Variants in PLPPR5 observed in about 807,000 individuals in gnomAD.
The protein encoded by PLPPR5 is phospholipid phosphatase-related protein type 5.
PLPPR5 carries 16 observed loss-of-function variants against 33.9 expected under a neutral mutation model. The observed-to-expected ratio is 0.47, with a 90% CI of 0.32 to 0.72. The LOEUF (loss-of-function observed/expected upper bound fraction) is 0.72. Among genes scored for constraint, PLPPR5 ranks in the 30% least tolerant of loss-of-function variants. The pLI is 0.03. For missense variants in PLPPR5, 301 were observed against 406.7 expected (o/e 0.74, Z 2.23); for synonymous variants, 163 against 150.3 (o/e 1.08, Z -0.62).
chr1:99,003,190 A>C (rs964288056), intron 1 of PLPPR5, among the ~76,000 whole-genome samples: 10 of 150,410 alleles, frequency 6.6e-5, no homozygotes, highest in African/African-American at 2.4e-4. Context: ...TGATAAAGTT[A>C]CTTTAAGGTT....
rs79461398 is a variant in PLPPR5, at chr1:98,964,683, G to A, written c.238-7942C>T. Among the ~76,000 whole-genome samples the A allele has an allele frequency of 2.7e-3, 417 of 152,250 alleles. 2 individuals are homozygous for A. Among genetic ancestry groups the A allele is most frequent in the African/African-American group, 9.6e-3 (398 of 41,548 alleles). ...CACCTGTCTGTTCCCAGTTGTACAG[G>A]AAGCCCTCAAACAACCTCCAAGGAA... is the stretch of plus-strand genomic sequence containing the variant. On this transcript the variant is annotated intron_variant, in intron 1 of 5. Coordinates refer to ENST00000263177, the MANE Select transcript of PLPPR5 (RefSeq NM_001037317.2).
intron 1 of PLPPR5, among the ~76,000 whole-genome samples, chr1:99,003,884 G>T (rs1570772333): frequency 6.6e-6 from 1 of 152,154 alleles, no homozygotes; most frequent in African/African-American, 2.4e-5. Context: ...TCTTTTTTCA[G>T]ATATTTGTTC....
intron 4 of PLPPR5, among the ~76,000 whole-genome samples, chr1:98,915,408 A>G (rs1570694059): frequency 4.6e-5 from 7 of 152,174 alleles, no homozygotes; most frequent in Admixed American, 2.0e-4. Flanking sequence ...AACCTAGCTT[A>G]TCGTCTATTA....
chr1:98,916,104 T>C (rs916998944), intron 4 of PLPPR5, among the ~76,000 whole-genome samples: 1 of 152,204 alleles, frequency 6.6e-6, no homozygotes, highest in Admixed American at 6.5e-5. Flanking sequence ...ATAGAGTTCA[T>C]TACTGAATAT....
At chr1:98,931,140 G>A (rs12757982) in intron 3 of PLPPR5, among the ~76,000 whole-genome samples, 16,037 of 152,112 alleles carry the variant, frequency 0.11, 1,105 homozygotes, top group South Asian at 0.22. Flanking sequence ...TTGCTACCCA[G>A]TATTCTGTTC....
intron 1 of PLPPR5, among the ~76,000 whole-genome samples, chr1:98,979,134 T>C (rs1261313427): frequency 2.0e-5 from 3 of 152,044 alleles, no homozygotes; most frequent in Non-Finnish European, 4.4e-5. Context: ...CTGGAGTGAA[T>C]TTTTGAAAGT....
rs960151462 is a variant in PLPPR5, at chr1:98,890,844, G to C, written c.*2228C>G. The C allele has an allele frequency of 2.0e-5, 3 of 152,464 alleles. No homozygotes were observed. The highest frequency in any genetic ancestry group is 2.9e-5 in the Non-Finnish European group (2 of 68,008). 9.4% of individuals were successfully genotyped at this position (152,464 alleles called of 1,614,324 possible). A position where few individuals can be genotyped will look rare whatever the true frequency, so the allele number is the denominator to read the frequency against. On this transcript the variant is annotated 3_prime_UTR_variant, in exon 6 of 6. Coordinates refer to ENST00000263177, the MANE Select transcript of PLPPR5 (RefSeq NM_001037317.2). ...AAATAGTAGAGGTGACTTTACTCTGGTTCTGGGTTAAATCTGAGTTTTTGA... is the reference window on the plus strand; with the variant it reads ...AAATAGTAGAGGTGACTTTACTCTGCTTCTGGGTTAAATCTGAGTTTTTGA...
chr1:99,005,314 C>G (rs527426504), upstream of PLPPR5, among the ~76,000 whole-genome samples: 1 of 152,252 alleles, frequency 6.6e-6, no homozygotes, highest in East Asian at 1.9e-4. Flanking sequence ...GCGCAAAGTG[C>G]CGATGCGGCG....
At chr1:98,928,565 A>ATATATATATATATC (rs1649848513) in intron 3 of PLPPR5, among the ~76,000 whole-genome samples, 1 of 140,966 alleles carries the variant, frequency 7.1e-6, no homozygotes, top group Non-Finnish European at 1.6e-5. Context: ...ATATATATAT[A>ATATATATATATATC]TATATATGGT....
intron 4 of PLPPR5, among the ~76,000 whole-genome samples, chr1:98,916,826 T>C (rs1649371034): frequency 6.6e-6 from 1 of 152,206 alleles, no homozygotes; most frequent in African/African-American, 2.4e-5. Context: ...ATTTAATAAG[T>C]CTTGTCTGCT....
At chr1:98,939,299 G>T (rs1280957595) in intron 3 of PLPPR5, among the ~76,000 whole-genome samples, 1 of 148,370 alleles carries the variant, frequency 6.7e-6, no homozygotes, top group African/African-American at 2.4e-5. Flanking sequence ...TAGAGGAAGG[G>T]ATGCTAAAAG....
intron 1 of PLPPR5, among the ~76,000 whole-genome samples, chr1:98,959,766 T>C (rs961549731): frequency 5.9e-5 from 9 of 152,160 alleles, no homozygotes; most frequent in Non-Finnish European, 1.3e-4. Context: ...GAGGTTTAGG[T>C]TGAGATAAGG....
intron 1 of PLPPR5, among the ~76,000 whole-genome samples, chr1:98,994,608 T>C (rs982837387): frequency 3.3e-5 from 5 of 152,112 alleles, no homozygotes; most frequent in Non-Finnish European, 5.9e-5. Context: ...ATCTGTCTGA[T>C]ATGTATGTAC....
chr1:98,918,504 A>ATGGT (rs1313768063), intron 4 of PLPPR5, among the ~76,000 whole-genome samples: 1 of 152,188 alleles, frequency 6.6e-6, no homozygotes, highest in Non-Finnish European at 1.5e-5. Flanking sequence ...GTATTTTGCT[A>ATGGT]AGTATGGTGA....
rs774900471 is a variant in PLPPR5 at position 98,893,090 on chromosome 1, G to A, written c.948C>T (p.Ala316=). Reference sequence around the variant, plus strand: ...TTCGATATCATGTGACTTCTGCGAAGGCAGTGATGTGGTTCTGCAAAAAGA... The same window carrying A: ...TTCGATATCATGTGACTTCTGCGAAAGCAGTGATGTGGTTCTGCAAAAAGA... ...KVTSVQNHIT[A]FAEVT Residue 316 remains alanine (A), a synonymous_variant, in exon 6 of 6, where the codon GCC becomes GCT. Coordinates refer to ENST00000263177, the MANE Select transcript of PLPPR5 (RefSeq NM_001037317.2). The A allele has an allele frequency of 1.2e-6, 2 of 1,611,204 alleles. No individual in the cohort carries two copies. The highest frequency in any genetic ancestry group is 2.7e-5 in the African/African-American group (2 of 74,862).
At chr1:98,949,865 T>C (rs1285130518) in intron 3 of PLPPR5, among the ~76,000 whole-genome samples, 1 of 152,110 alleles carries the variant, frequency 6.6e-6, no homozygotes, top group Non-Finnish European at 1.5e-5. Context: ...GAACAGAATC[T>C]ATTGTTAAAA....
chr1:98,952,963 T>A, intron 3 of PLPPR5, 107 bp downstream of exon 3: 1 of 1,333,018 alleles, frequency 7.5e-7, no homozygotes. Context: ...CAGAAAGATA[T>A]GAATGTGCTT....
intron 4 of PLPPR5, among the ~76,000 whole-genome samples, chr1:98,915,800 C>G (rs1365191254): frequency 2.6e-5 from 4 of 152,056 alleles, no homozygotes; most frequent in Non-Finnish European, 5.9e-5. Flanking sequence ...TAGGAGTTGG[C>G]ACTTCAAAAA....
rs1178504170 is a variant in PLPPR5, at chr1:98,919,739, T to C, written c.798+2143A>G. ...ATCTCTTCTATCCTCAACTTTGTCT[T>C]ATTGTCCTGCAAATACATTTTCAAA... is the stretch of plus-strand genomic sequence containing the variant. On this transcript the variant is annotated intron_variant, in intron 4 of 5. Transcript: ENST00000263177. Among the ~76,000 whole-genome samples, 3 of 152,288 alleles carry C rather than the reference T, an allele frequency of 2.0e-5. No individual in the cohort carries two copies. In the East Asian group the frequency reaches 5.8e-4, roughly 29 times the overall value.
Sources: gnomAD v4.1 joint callset for allele counts (sites outside exome capture counted in the v4.1 genomes callset) on GRCh38, gnomAD v4.1.1 for gene constraint, MANE v1.5 for transcripts, NCBI Gene and HGNC (gene_info 2026-07-23, HGNC 2026-07-21) for gene names.